COL23A1: variants seen among roughly 807,000 people sequenced by gnomAD.
COL23A1 encodes collagen type XXIII alpha 1 chain.
A neutral mutation model predicts 99.3 loss-of-function variants in COL23A1; 97 were observed. That is an observed-to-expected ratio of 0.98 (90% CI 0.83 to 1.16). The LOEUF (loss-of-function observed/expected upper bound fraction) is 1.16. Among genes scored for constraint, COL23A1 ranks in the 50% most tolerant of loss-of-function variants. The pLI is 0.00. For missense variants in COL23A1, 762 were observed against 757.4 expected, an observed-to-expected ratio of 1.01 and a Z score of -0.07; for synonymous variants, 320 against 308.2, an observed-to-expected ratio of 1.04 and a Z score of -0.40.
chr5:178,459,766 A>T (rs1289509632), intron 2 of COL23A1, among the ~76,000 whole-genome samples: 1 of 152,150 alleles, frequency 6.6e-6, no homozygotes, highest in Non-Finnish European at 1.5e-5. Context: ...TGTCTCAAAA[A>T]ATTAATATAA....
chr5:178,512,491 A>G (rs910426570), intron 2 of COL23A1, among the ~76,000 whole-genome samples: 2 of 152,204 alleles, frequency 1.3e-5, no homozygotes, highest in Non-Finnish European at 2.9e-5. Flanking sequence ...CTGTCCAGCA[A>G]GGGAGAGAGA....
At chr5:178,547,189 CCCGACAGTATCTGATTCACGCCAGCA>C (rs1761630750) in intron 2 of COL23A1, among the ~76,000 whole-genome samples, 2 of 151,914 alleles carry the variant, frequency 1.3e-5, no homozygotes, top group East Asian at 3.9e-4. Context: ...TGGCAAGTAC[CCCGACAGTATCTGATTCACGCCAGCA>C]CCGAGCTAAA....
intron 15 of COL23A1, among the ~76,000 whole-genome samples, chr5:178,256,084 C>T (rs565854684): frequency 6.6e-6 from 1 of 152,290 alleles, no homozygotes; most frequent in African/African-American, 2.4e-5. Flanking sequence ...TTTAGGTGGA[C>T]ATGCGCTTGA....
At chr5:178,426,481 G>T (rs998209437) in intron 2 of COL23A1, among the ~76,000 whole-genome samples, 1 of 152,194 alleles carries the variant, frequency 6.6e-6, no homozygotes, top group Non-Finnish European at 1.5e-5. Flanking sequence ...TCCCACTGCC[G>T]GACACAGACC....
intron 2 of COL23A1, among the ~76,000 whole-genome samples, chr5:178,547,663 A>C (rs1434534829): frequency 1.2e-3 from 7 of 5,702 alleles, no homozygotes; most frequent in Non-Finnish European, 2.0e-3. Flanking sequence ...CCCCATACAC[A>C]CCCCCCACAC....
chr5:178,255,872 A>G lies in COL23A1; in HGVS notation c.882+481T>C, dbSNP rs1765272258. The G allele has an allele frequency of 5.0e-6, 2 of 400,230 alleles. No individual in the cohort carries two copies. 24.8% of individuals were successfully genotyped at this position (400,230 alleles called of 1,614,324 possible). A position where few individuals can be genotyped will look rare whatever the true frequency, so the allele number is the denominator to read the frequency against. On this transcript the variant is annotated intron_variant, in intron 15 of 28. Transcript: ENST00000390654. This position sits in a 1 kb window ranked among gnomAD's most constrained non-coding sequence, Gnocchi z 4.2. ...AGCATGAGGAGACAGAGCCGAGGCC[A>G]GGATCCCGGACGTCACCCTAAAGGT... is the stretch of plus-strand genomic sequence containing the variant.
chr5:178,297,512 C>T (rs531573485), intron 3 of COL23A1, among the ~76,000 whole-genome samples: 46 of 152,160 alleles, frequency 3.0e-4, no homozygotes, highest in Non-Finnish European at 5.1e-4. Flanking sequence ...AGTAAGACTC[C>T]GTCTCAAAAA....
At chr5:178,487,287 G>GT (rs778127626) in intron 2 of COL23A1, among the ~76,000 whole-genome samples, 19 of 137,562 alleles carry the variant, frequency 1.4e-4, no homozygotes, top group South Asian at 6.9e-4. Flanking sequence ...ACCAGCCTCA[G>GT]TTTTATTTAT....
chr5:178,306,867 G>A lies in COL23A1; in HGVS notation c.406+8C>T. 6.6e-7 allele frequency: 1 copy of A among 1,518,692 alleles called. No individual in the cohort carries two copies. Among genetic ancestry groups the A allele is most frequent in the Admixed American group, 2.1e-5 (1 of 47,946 alleles). 94.1% of individuals were successfully genotyped at this position (1,518,692 alleles called of 1,614,324 possible). On this transcript the variant is annotated splice_region_variant and intron_variant, in intron 3 of 28. Coordinates refer to ENST00000390654, the MANE Select transcript of COL23A1 (RefSeq NM_173465.4). The surrounding 1 kb of genome is among the most constrained non-coding windows in gnomAD (Gnocchi z 4.1). The stretch of plus-strand genomic sequence containing the variant: ...TTGGCTTAGGAGCTGAGAAAACCTG[G>A]GACTCACCAGGGTCGCCTCTTCTCC...
intron 16 of COL23A1, among the ~76,000 whole-genome samples, chr5:178,254,720 C>A (rs1266396297): frequency 1.3e-5 from 2 of 152,142 alleles, no homozygotes; most frequent in Non-Finnish European, 2.9e-5. Flanking sequence ...TTTGACTTGG[C>A]CTCTAGGGAG....
chr5:178,457,474 C>G (rs879270497), intron 2 of COL23A1, among the ~76,000 whole-genome samples: 1 of 152,184 alleles, frequency 6.6e-6, no homozygotes, highest in African/African-American at 2.4e-5. Flanking sequence ...CTCGGCCTCC[C>G]AAAGTGCTAG....
chr5:178,367,043 T>G (rs1172758163), intron 2 of COL23A1, among the ~76,000 whole-genome samples: 1 of 152,246 alleles, frequency 6.6e-6, no homozygotes, highest in Non-Finnish European at 1.5e-5. Context: ...TTTCAGACTC[T>G]TCTCTGGTTG....
At chr5:178,543,780 T>G (rs1761428615) in intron 2 of COL23A1, among the ~76,000 whole-genome samples, 2 of 152,182 alleles carry the variant, frequency 1.3e-5, no homozygotes, top group African/African-American at 4.8e-5. Flanking sequence ...AGATTTAGTC[T>G]GTGGGGGCTG....
chr5:178,462,156 A>G (rs554609578), intron 2 of COL23A1, among the ~76,000 whole-genome samples: 16 of 152,362 alleles, frequency 1.1e-4, no homozygotes, highest in Admixed American at 9.8e-4. Context: ...CCTCTGTGCC[A>G]TGCATGGTAA....
At chr5:178,421,720 T>C (rs558541967) in intron 2 of COL23A1, among the ~76,000 whole-genome samples, 39 of 151,918 alleles carry the variant, frequency 2.6e-4, no homozygotes, top group Middle Eastern at 3.2e-3. Flanking sequence ...ACAGCAAAAA[T>C]TACCTGGGCG....
chr5:178,565,337 C>T (rs1762789694), intron 1 of COL23A1, among the ~76,000 whole-genome samples: 1 of 152,208 alleles, frequency 6.6e-6, no homozygotes, highest in Non-Finnish European at 1.5e-5. Flanking sequence ...CTCAGGGAGG[C>T]CCAGCTCCAG....
intron 2 of COL23A1, among the ~76,000 whole-genome samples, chr5:178,345,897 C>T (rs141083952): frequency 6.6e-6 from 1 of 152,060 alleles, no homozygotes; most frequent in Admixed American, 6.5e-5. Flanking sequence ...CATGGTCATT[C>T]ACTTGGGTTT....
At chr5:178,393,095 C>T (rs1309240277) in intron 2 of COL23A1, among the ~76,000 whole-genome samples, 11 of 152,236 alleles carry the variant, frequency 7.2e-5, no homozygotes, top group African/African-American at 2.7e-4. Flanking sequence ...AACTCCCAAC[C>T]GTGCATTGTT....
chr5:178,554,243 A>G (rs1762154562), intron 2 of COL23A1, among the ~76,000 whole-genome samples: 1 of 151,844 alleles, frequency 6.6e-6, no homozygotes, highest in Non-Finnish European at 1.5e-5. Flanking sequence ...CAATGGCTCA[A>G]TCTTGGCTCA....
Sources: gnomAD v4.1 joint callset for allele counts (sites outside exome capture counted in the v4.1 genomes callset) on GRCh38, gnomAD v4.1.1 for gene constraint, Gnocchi (gnomAD v3.1) non-coding constraint, MANE v1.5 for transcripts, NCBI Gene and HGNC (gene_info 2026-07-23, HGNC 2026-07-21) for gene names.